Variants in GREM2 observed in about 807,000 individuals in gnomAD.
The protein encoded by GREM2 is gremlin-2.
Under a neutral mutation model 14.2 loss-of-function variants are expected in GREM2, and 11 were observed. The observed-to-expected ratio is 0.78, with a 90% CI of 0.49 to 1.28. GREM2 has a LOEUF of 1.28. Ranked by LOEUF, GREM2 falls within the 50% of genes most tolerant of loss-of-function variation. The pLI is 0.00. For synonymous variants in GREM2, 98 were observed against 97.6 expected (o/e 1.00, Z -0.02); for missense variants, 210 against 218.5 (o/e 0.96, Z 0.24).
At chr1:240,519,739 CA>C (rs1448774967) in intron 1 of GREM2, among the ~76,000 whole-genome samples, 1 of 151,796 alleles carries the variant, frequency 6.6e-6, no homozygotes, top group Non-Finnish European at 1.5e-5. Context: ...CTATCTTCCA[CA>C]AAAGATATAT....
chr1:240,554,411 C>T (rs1478687482), intron 1 of GREM2, among the ~76,000 whole-genome samples: 12 of 137,840 alleles, frequency 8.7e-5, no homozygotes, highest in African/African-American at 1.4e-4. Flanking sequence ...AACTCCGTCT[C>T]GAAAAAAAAA....
rs374808640 is a variant in GREM2, at chr1:240,493,063, G to C, written c.413C>G (p.Pro138Arg). The part of the protein sequence containing the change: ...VTSVLVELEC[P>R]GLDPPFRLKK... ...GAGTCGGAAGGGTGGGTCCAGGCCGGGGCACTCGAGCTCCACGAGGACGGA... is the reference window on the plus strand; with the variant it reads ...GAGTCGGAAGGGTGGGTCCAGGCCGCGGCACTCGAGCTCCACGAGGACGGA... Residue 138 changes from proline (P) to arginine (R), a missense_variant, in exon 2 of 2, where the codon CCC becomes CGC. By Grantham distance (103) the Pro-to-Arg change is moderately radical. Coordinates refer to ENST00000318160, the MANE Select transcript of GREM2 (RefSeq NM_022469.4). 1.4e-5 allele frequency: 23 copies of C among 1,612,668 alleles called. No homozygotes were observed. The highest frequency in any genetic ancestry group is 3.3e-4 in the Middle Eastern group (2 of 6,056).
chr1:240,514,870 C>G (rs904667978), intron 1 of GREM2, among the ~76,000 whole-genome samples: 2 of 152,068 alleles, frequency 1.3e-5, no homozygotes, highest in Non-Finnish European at 2.9e-5. Context: ...GCACTCCAGC[C>G]TCTGTGCCCC....
Position 240,493,434 on chromosome 1 carries a change from C to T in GREM2, c.42G>A (p.Val14=), listed in dbSNP as rs1358292109. ...KLSLSLFLVA[V]LVKVAEARKN... ...TCCGGGCTTCCGCCACCTTCACCAG[C>T]ACCGCCACCAGGAACAAGGACAGGG... The change falls in exon 2 of 2, where the codon GTG becomes GTA. Residue 14 remains valine, a synonymous_variant. Transcript: ENST00000318160. 2 of 1,611,382 alleles carry T rather than the reference C, an allele frequency of 1.2e-6. No individual in the cohort carries two copies. The highest frequency in any genetic ancestry group is 1.1e-5 in the South Asian group (1 of 90,706).
At chr1:240,500,912 TTGAC>T (rs1031093564) in intron 1 of GREM2, among the ~76,000 whole-genome samples, 13 of 134,758 alleles carry the variant, frequency 9.6e-5, no homozygotes, top group African/African-American at 3.2e-4. Context: ...CAACTTGAGC[TTGAC>T]TAAGTTGTGC....
rs74600556 is a variant in GREM2 at position 240,579,167 on chromosome 1, C to T, written c.-2+32717G>A. Reference sequence around the variant, plus strand: ...TACATTCCATACCCGTTCTCCCTGTCGCCACTGTCTGTGGGGAAGCTGGCA... The same window carrying T: ...TACATTCCATACCCGTTCTCCCTGTTGCCACTGTCTGTGGGGAAGCTGGCA... On this transcript the variant is annotated intron_variant, in intron 1 of 1. Coordinates refer to ENST00000318160, the MANE Select transcript of GREM2 (RefSeq NM_022469.4). 1.0e-3 allele frequency among the ~76,000 whole-genome samples: 158 copies of T among 152,288 alleles called. 2 individuals are homozygous for T. The East Asian group carries it at 0.03, about 29-fold the overall frequency.
At chr1:240,568,585 C>T (rs1679207133) in intron 1 of GREM2, among the ~76,000 whole-genome samples, 1 of 152,004 alleles carries the variant, frequency 6.6e-6, no homozygotes, top group Admixed American at 6.6e-5. Flanking sequence ...TAAGTATACT[C>T]TGAATATAAA....
rs573239740 is a variant in GREM2 at position 240,510,336 on chromosome 1, C to G, written c.-1-16860G>C. 1.1e-3 allele frequency among the ~76,000 whole-genome samples: 148 copies of G among 130,458 alleles called. 1 individual carries two copies. The highest frequency in any genetic ancestry group is 2.3e-3 in the Admixed American group (24 of 10,570). 85.6% of individuals were successfully genotyped at this position (130,458 alleles called of 152,430 possible). A position where few individuals can be genotyped will look rare whatever the true frequency, so the allele number is the denominator to read the frequency against. ...ACTGAGCAGAGATCGCGCCACTGCA[C>G]TCCAGCCTGGGCGACAGAGCGAGAC... On this transcript the variant is annotated intron_variant, in intron 1 of 1. Transcript: ENST00000318160.
chr1:240,499,950 C>T (rs986974793), intron 1 of GREM2, among the ~76,000 whole-genome samples: 2 of 152,190 alleles, frequency 1.3e-5, no homozygotes, highest in South Asian at 4.1e-4. Context: ...CTGCTCCAAA[C>T]ATTTTCTATC....
rs9287248 is a variant in GREM2, at chr1:240,492,030, G to A, written c.*939C>T. On this transcript the variant is annotated 3_prime_UTR_variant, in exon 2 of 2. Transcript: ENST00000318160. ...ACCAGGCATTTTTTTTTCTGAGTAA[G>A]ACACCTTCTGGGCCTGCTGTCATCC... The A allele has an allele frequency of 0.7, 122,379 of 175,282 alleles. 43,108 individuals carry two copies. Among genetic ancestry groups the A allele is most frequent in the East Asian group, 0.8 (5,283 of 6,588 alleles). The allele number at this position is 175,282 out of a possible 1,614,324, so 10.9% of individuals were successfully genotyped here.
At chr1:240,516,538 A>G (rs757185173) in intron 1 of GREM2, among the ~76,000 whole-genome samples, 1 of 152,142 alleles carries the variant, frequency 6.6e-6, no homozygotes, top group Non-Finnish European at 1.5e-5. Context: ...ATATCTTAAA[A>G]ACACATTTGG....
At chr1:240,559,428 T>G (rs187191787) in intron 1 of GREM2, among the ~76,000 whole-genome samples, 8 of 151,132 alleles carry the variant, frequency 5.3e-5, no homozygotes, top group African/African-American at 1.9e-4. Flanking sequence ...ATTGCAACAT[T>G]TGCCTCCTGG....
chr1:240,571,175 A>C (rs1572403832), intron 1 of GREM2, among the ~76,000 whole-genome samples: 3 of 152,188 alleles, frequency 2.0e-5, no homozygotes, highest in East Asian at 3.9e-4. Flanking sequence ...TATTCTAACT[A>C]TATTCAACTT....
At chr1:240,544,630 G>A (rs534866539) in intron 1 of GREM2, among the ~76,000 whole-genome samples, 8 of 152,114 alleles carry the variant, frequency 5.3e-5, no homozygotes, top group South Asian at 2.1e-4. Flanking sequence ...TAAGAAAAAC[G>A]ATTTCATTCC....
intron 1 of GREM2, among the ~76,000 whole-genome samples, chr1:240,565,072 G>C (rs1356132961): frequency 6.6e-6 from 1 of 152,130 alleles, no homozygotes; most frequent in Non-Finnish European, 1.5e-5. Context: ...CAGCAAACCT[G>C]GATCTACTCT....
intron 1 of GREM2, among the ~76,000 whole-genome samples, chr1:240,571,596 T>C (rs1209956302): frequency 6.6e-6 from 1 of 151,846 alleles, no homozygotes; most frequent in African/African-American, 2.4e-5. Context: ...CTCAGGAGGC[T>C]GAGGCAGGAG....
At chr1:240,589,788 G>T (rs1389009861) in intron 1 of GREM2, among the ~76,000 whole-genome samples, 1 of 152,156 alleles carries the variant, frequency 6.6e-6, no homozygotes, top group Non-Finnish European at 1.5e-5. Context: ...CACTTTAAGA[G>T]AAGTGCAAAG....
At chr1:240,549,334 C>T (rs1174802700) in intron 1 of GREM2, among the ~76,000 whole-genome samples, 1 of 92,092 alleles carries the variant, frequency 1.1e-5, no homozygotes, top group Non-Finnish European at 1.9e-5. Context: ...GAAACTCCAT[C>T]TCAAAAAAAA....
intron 1 of GREM2, among the ~76,000 whole-genome samples, chr1:240,498,258 T>C (rs1677477839): frequency 6.6e-6 from 1 of 152,160 alleles, no homozygotes; most frequent in Non-Finnish European, 1.5e-5. Context: ...TAAGCAAAAA[T>C]GCAAACCTTC....
Sources: gnomAD v4.1 joint callset for allele counts (sites outside exome capture counted in the v4.1 genomes callset) on GRCh38, gnomAD v4.1.1 for gene constraint, MANE v1.5 for transcripts, NCBI Gene and HGNC (gene_info 2026-07-23, HGNC 2026-07-21) for gene names.